The following RNF138 variants were observed in gnomAD, a reference collection of about 807,000 sequenced individuals.
The protein encoded by RNF138 is ring finger protein 138.
Under a neutral mutation model 31.0 loss-of-function variants are expected in RNF138, and 12 were observed. The observed-to-expected ratio is 0.39, with a 90% CI of 0.25 to 0.63. RNF138 has a LOEUF of 0.63. Among genes scored for constraint, RNF138 ranks in the 20% least tolerant of loss-of-function variants. The pLI is 0.52. For synonymous variants in RNF138, 105 were observed against 99.5 expected (o/e 1.06, Z -0.33); for missense variants, 192 against 300.1 (o/e 0.64, Z 2.66).
At chr18:32,092,561 G>A in intron 1 of RNF138, 139 bp from the exon 2 acceptor site, 3 of 549,502 alleles carry the variant, frequency 5.5e-6, no homozygotes, top group South Asian at 2.1e-5. Flanking sequence ...GGGAGGAGCC[G>A]TGGGAGGGGT....
At chr18:32,099,968 C>CT (rs1438250212) in intron 2 of RNF138, among the ~76,000 whole-genome samples, 19 of 152,150 alleles carry the variant, frequency 1.2e-4, no homozygotes, top group Non-Finnish European at 2.5e-4. Context: ...AATTGCAGCT[C>CT]TAGTGAAGTG....
chr18:32,110,083 C>T (rs2144593159), intron 2 of RNF138, among the ~76,000 whole-genome samples: 1 of 152,186 alleles, frequency 6.6e-6, no homozygotes, highest in Non-Finnish European at 1.5e-5. Context: ...ACCTCCTGGG[C>T]TCAAGTGATC....
At chr18:32,099,510 C>A (rs1477274106) in intron 2 of RNF138, among the ~76,000 whole-genome samples, 1 of 152,196 alleles carries the variant, frequency 6.6e-6, no homozygotes, top group Non-Finnish European at 1.5e-5. Context: ...TCAAGAGATT[C>A]TCCTGCCCCA....
At chr18:32,110,440 C>T (rs1365263820) in intron 2 of RNF138, among the ~76,000 whole-genome samples, 1 of 152,198 alleles carries the variant, frequency 6.6e-6, no homozygotes, top group Non-Finnish European at 1.5e-5. Context: ...CTCTGAACAG[C>T]CGAATCAGTT....
chr18:32,102,581 A>T (rs182996841), intron 2 of RNF138, among the ~76,000 whole-genome samples: 1 of 151,638 alleles, frequency 6.6e-6, no homozygotes, highest in Non-Finnish European at 1.5e-5. Context: ...AAGAGTTTGT[A>T]TTGTACAGTT....
intron 2 of RNF138, among the ~76,000 whole-genome samples, chr18:32,093,193 G>A (rs2039739143): frequency 6.6e-6 from 1 of 152,050 alleles, no homozygotes; most frequent in Non-Finnish European, 1.5e-5. Context: ...CGTTCCCTGC[G>A]GCGTCTTCAG....
At chr18:32,106,934 C>T (rs2040039699) in intron 2 of RNF138, among the ~76,000 whole-genome samples, 1 of 151,850 alleles carries the variant, frequency 6.6e-6, no homozygotes, top group African/African-American at 2.4e-5. Context: ...TTGTACAGGT[C>T]CTTCACTTGT....
At chr18:32,111,355 G>A (rs2040126433) in intron 2 of RNF138, among the ~76,000 whole-genome samples, 1 of 152,132 alleles carries the variant, frequency 6.6e-6, no homozygotes, top group African/African-American at 2.4e-5. Flanking sequence ...CTTTTATTTT[G>A]TAAGGGGAGG....
rs1433344691 is a variant in RNF138, at chr18:32,131,453, A to T, written c.*2266A>T. 2 of 152,180 alleles carry T rather than the reference A, an allele frequency of 1.3e-5. No homozygotes were observed. Among genetic ancestry groups the T allele is most frequent in the Non-Finnish European group, 2.9e-5 (2 of 68,008 alleles). The allele number at this position is 152,180 out of a possible 1,614,324, so 9.4% of individuals were successfully genotyped here. A position where few individuals can be genotyped will look rare whatever the true frequency, so the allele number is the denominator to read the frequency against. On this transcript the variant is annotated 3_prime_UTR_variant, in exon 8 of 8. Transcript: ENST00000261593. The stretch of plus-strand genomic sequence containing the variant: ...ATTGATACTCCAATACCTAAATTTC[A>T]CAATACCACTTAGGAAAGCTATTTC...
At chr18:32,102,028 C>T (rs1174348641) in intron 2 of RNF138, among the ~76,000 whole-genome samples, 1 of 151,034 alleles carries the variant, frequency 6.6e-6, no homozygotes, top group Non-Finnish European at 1.5e-5. Context: ...AGGCGTGCAC[C>T]ACCATGCCTG....
chr18:32,128,093 A>G (rs1244053898), intron 7 of RNF138, among the ~76,000 whole-genome samples: 2 of 151,946 alleles, frequency 1.3e-5, no homozygotes, highest in Non-Finnish European at 2.9e-5. Context: ...AAAGAAAAGT[A>G]GGTGATCTAA....
At chr18:32,103,557 G>T (rs1488353446) in intron 2 of RNF138, among the ~76,000 whole-genome samples, 1 of 151,922 alleles carries the variant, frequency 6.6e-6, no homozygotes, top group African/African-American at 2.4e-5. Context: ...AAAAAAAAAG[G>T]TTTGTCCTTC....
chr18:32,125,890 T>C (rs188004414), intron 6 of RNF138, among the ~76,000 whole-genome samples: 1 of 152,358 alleles, frequency 6.6e-6, no homozygotes, highest in Admixed American at 6.5e-5. Flanking sequence ...CAGTTATGCT[T>C]AAATAGACAA....
chr18:32,111,964 A>G, intron 3 of RNF138, 45 bp downstream of exon 3: 1 of 1,441,382 alleles, frequency 6.9e-7, no homozygotes. Context: ...CCAAGTTTCT[A>G]CTCTGAAATT....
chr18:32,092,509 C>G (rs1029471914), intron 1 of RNF138, 191 bp from the exon 2 acceptor site: 1 of 445,262 alleles, frequency 2.2e-6, no homozygotes, highest in African/African-American at 2.1e-5. Flanking sequence ...ATGCTGCGAG[C>G]CCAGCCTCCC....
At chr18:32,124,501 C>T (rs1310682513) in intron 5 of RNF138, 2 of 421,956 alleles carry the variant, frequency 4.7e-6, no homozygotes, top group Non-Finnish European at 8.6e-6. Flanking sequence ...TTGTTTTGGC[C>T]TAGAGGTGCC....
chr18:32,092,768 T>C lies in RNF138; in HGVS notation c.-9T>C, dbSNP rs1598839791. On this transcript the variant is annotated 5_prime_UTR_variant, in exon 2 of 8. Transcript: ENST00000261593. Reference sequence around the variant, plus strand: ...CTGTCGCCATCGCCTTGTTTCCCCATCCCCCGCCATGGCCGAGGACCTCTC... The same window carrying C: ...CTGTCGCCATCGCCTTGTTTCCCCACCCCCCGCCATGGCCGAGGACCTCTC... The C allele has an allele frequency of 1.3e-6, 2 of 1,541,398 alleles. No individual in the cohort carries two copies. Among genetic ancestry groups the C allele is most frequent in the South Asian group, 1.2e-5 (1 of 84,574 alleles).
At chr18:32,093,946 A>C (rs2039757231) in intron 2 of RNF138, among the ~76,000 whole-genome samples, 1 of 151,914 alleles carries the variant, frequency 6.6e-6, no homozygotes, top group Non-Finnish European at 1.5e-5. Context: ...GGAAATCTTT[A>C]TTTATTTATT....
intron 3 of RNF138, among the ~76,000 whole-genome samples, chr18:32,113,038 T>C (rs1330071006): frequency 6.6e-6 from 1 of 152,142 alleles, no homozygotes; most frequent in East Asian, 1.9e-4. Context: ...GCTATTCCTC[T>C]CAGTGAGAAA....
Sources: gnomAD v4.1 joint callset for allele counts (sites outside exome capture counted in the v4.1 genomes callset) on GRCh38, gnomAD v4.1.1 for gene constraint, MANE v1.5 for transcripts, NCBI Gene and HGNC (gene_info 2026-07-23, HGNC 2026-07-21) for gene names.